Variants in WWOX observed in about 807,000 individuals in gnomAD.
WWOX encodes WW domain-containing oxidoreductase.
Under a neutral mutation model 46.2 loss-of-function variants are expected in WWOX, and 69 were observed. The observed-to-expected ratio is 1.49, with a 90% CI of 1.23 to 1.82. The LOEUF (loss-of-function observed/expected upper bound fraction) is 1.82, where lower values mean the gene tolerates loss of function less well. Among genes scored for constraint, WWOX ranks in the 40% most tolerant of loss-of-function variants. WWOX has a pLI of 0.00. For missense variants in WWOX, 919 were observed against 542.6 expected, an observed-to-expected ratio of 1.69 and a Z score of -6.89; for synonymous variants, 359 against 202.6, an observed-to-expected ratio of 1.77 and a Z score of -6.56.
intron 8 of WWOX, among the ~76,000 whole-genome samples, chr16:78,990,201 A>C (rs557430040): frequency 4.7e-5 from 7 of 150,044 alleles, no homozygotes; most frequent in Non-Finnish European, 8.8e-5. Flanking sequence ...AAAAAAAAAA[A>C]AGAGAGAGAG....
At chr16:78,933,469 G>A (rs532129219) in intron 8 of WWOX, among the ~76,000 whole-genome samples, 1 of 152,300 alleles carries the variant, frequency 6.6e-6, no homozygotes, top group South Asian at 2.1e-4. Context: ...AAGTCAAGAT[G>A]TTGACATAAC....
Position 78,180,082 on chromosome 16 carries a change from G to A in WWOX, c.516+15793G>A, listed in dbSNP as rs571604978. 3.3e-5 allele frequency among the ~76,000 whole-genome samples: 5 copies of A among 152,312 alleles called. No homozygotes were observed. The South Asian group carries it at 6.2e-4, about 19-fold the overall frequency. The stretch of plus-strand genomic sequence containing the variant: ...GAATTGGTTTCATGTTGATGTTACT[G>A]AAGTCTCCCCAATTCATCATCTACC... On this transcript the variant is annotated intron_variant, in intron 5 of 8. Coordinates refer to ENST00000566780, the MANE Select transcript of WWOX (RefSeq NM_016373.4).
chr16:78,562,444 A>G (rs1322832944), intron 8 of WWOX, among the ~76,000 whole-genome samples: 1 of 152,214 alleles, frequency 6.6e-6, no homozygotes, highest in Non-Finnish European at 1.5e-5. Flanking sequence ...GATGCTGAGC[A>G]TACCAGAGTT....
intron 5 of WWOX, among the ~76,000 whole-genome samples, chr16:78,373,884 T>A (rs538608861): frequency 4.8e-4 from 73 of 151,996 alleles, no homozygotes; most frequent in African/African-American, 1.7e-3. Flanking sequence ...GCCTCCTGAG[T>A]TCAAGCAATC....
Position 78,257,391 on chromosome 16 carries a change from C to T in WWOX, c.516+93102C>T, listed in dbSNP as rs967321783. 9.9e-5 allele frequency among the ~76,000 whole-genome samples: 15 copies of T among 152,268 alleles called. No individual in the cohort carries two copies. The South Asian group carries it at 1.0e-3, about 11-fold the overall frequency. On this transcript the variant is annotated intron_variant, in intron 5 of 8. Coordinates refer to ENST00000566780, the MANE Select transcript of WWOX (RefSeq NM_016373.4). The stretch of plus-strand genomic sequence containing the variant: ...TGGCAGCAAACAGTATTGATGGATT[C>T]GGGGAATGCCATTTGACAGTTACAG...
intron 8 of WWOX, among the ~76,000 whole-genome samples, chr16:79,145,302 A>G (rs1490527781): frequency 2.0e-5 from 3 of 152,206 alleles, no homozygotes; most frequent in Admixed American, 6.5e-5. Flanking sequence ...AACCAACGAA[A>G]CAGCAATACT....
chr16:78,574,087 A>ACTGTTGG (rs1315116269), intron 8 of WWOX, among the ~76,000 whole-genome samples: 1 of 152,120 alleles, frequency 6.6e-6, no homozygotes, highest in African/African-American at 2.4e-5. Context: ...CTTCTTGCTG[A>ACTGTTGG]CTGTTGGCTG....
intron 8 of WWOX, among the ~76,000 whole-genome samples, chr16:78,770,937 T>C (rs1003503450): frequency 2.0e-5 from 3 of 152,184 alleles, no homozygotes; most frequent in African/African-American, 2.4e-5. Flanking sequence ...TGTGTGCTGT[T>C]TGATAGAGAC....
At position 78,386,930 on chromosome 16, in the gene WWOX, C is replaced by T. The variant is rs754102799; in HGVS notation, c.587C>T (p.Ala196Val). The T allele has an allele frequency of 6.2e-7, 1 of 1,614,100 alleles. No individual in the cohort carries two copies. The highest frequency in any genetic ancestry group is 1.3e-5 in the African/African-American group (1 of 75,042). ...LLRSVQHFAE[A>V]FKAKNVPLHV... ...CGTAGCGTGCAGCATTTTGCTGAAG[C>T]ATTCAAGGCCAAGAATGTGTGAGTG... Residue 196 changes from alanine to valine, a missense_variant, in exon 6 of 9, where the codon GCA becomes GTA. By Grantham distance (64) the Ala-to-Val change is moderately conservative (BLOSUM62 0). Transcript: ENST00000566780.
At chr16:78,932,284 C>CA (rs1307257521) in intron 8 of WWOX, among the ~76,000 whole-genome samples, 2 of 152,174 alleles carry the variant, frequency 1.3e-5, no homozygotes, top group East Asian at 3.9e-4. Context: ...TGTCCGCAAA[C>CA]AGAGAAGTGC....
chr16:78,401,770 G>A (rs867650139), intron 6 of WWOX, among the ~76,000 whole-genome samples: 14 of 151,946 alleles, frequency 9.2e-5, no homozygotes, highest in African/African-American at 3.4e-4. Flanking sequence ...TGTGATCTTG[G>A]CTCACTGCAA....
chr16:78,694,107 A>C (rs1567496285), intron 8 of WWOX, among the ~76,000 whole-genome samples: 1 of 152,054 alleles, frequency 6.6e-6, no homozygotes, highest in African/African-American at 2.4e-5. Context: ...TAGTGTGTGC[A>C]TATAATCCCA....
At chr16:78,831,038 A>G (rs2051807389) in intron 8 of WWOX, among the ~76,000 whole-genome samples, 1 of 152,130 alleles carries the variant, frequency 6.6e-6, no homozygotes, top group African/African-American at 2.4e-5. Context: ...GGGAGGGCAG[A>G]ATGTGATGTT....
At chr16:79,169,733 G>T (rs1243778609) in intron 8 of WWOX, among the ~76,000 whole-genome samples, 1 of 152,164 alleles carries the variant, frequency 6.6e-6, no homozygotes, top group Non-Finnish European at 1.5e-5. Context: ...GGATGGCTGG[G>T]ATCGCCAGTG....
intron 6 of WWOX, among the ~76,000 whole-genome samples, chr16:78,410,692 G>C (rs908674149): frequency 2.0e-5 from 3 of 150,632 alleles, no homozygotes; most frequent in Non-Finnish European, 1.5e-5. Flanking sequence ...TGTAATCCCA[G>C]TTAGTTGGGG....
At chr16:79,156,427 C>G (rs2050383028) in intron 8 of WWOX, among the ~76,000 whole-genome samples, 1 of 152,182 alleles carries the variant, frequency 6.6e-6, no homozygotes, top group African/African-American at 2.4e-5. Flanking sequence ...TCCCAAAGTG[C>G]TGGGATAACA....
chr16:78,815,412 A>C (rs775630085), intron 8 of WWOX, among the ~76,000 whole-genome samples: 2 of 152,106 alleles, frequency 1.3e-5, no homozygotes, highest in African/African-American at 4.8e-5. Context: ...AGTACATTGC[A>C]TGAAACCTTG....
At chr16:79,132,030 C>A (rs375094917) in intron 8 of WWOX, among the ~76,000 whole-genome samples, 86 of 152,024 alleles carry the variant, frequency 5.7e-4, no homozygotes, top group African/African-American at 1.9e-3. Flanking sequence ...CCTCCAGGTC[C>A]CTTCCATAAC....
chr16:78,865,755 C>T (rs1468331409), intron 8 of WWOX, among the ~76,000 whole-genome samples: 2 of 152,152 alleles, frequency 1.3e-5, no homozygotes, highest in East Asian at 1.9e-4. Context: ...TGGCAAGTGC[C>T]TGTAATCCCA....
Sources: allele counts gnomAD v4.1 joint callset (sites outside exome capture counted in the v4.1 genomes callset), GRCh38; gene constraint gnomAD v4.1.1; transcripts MANE v1.5; gene names NCBI Gene and HGNC (gene_info 2026-07-23, HGNC 2026-07-21).